Variants in B3GALT1 observed in about 807,000 individuals in gnomAD.
B3GALT1 encodes UDP-Gal:betaGlcNAc beta 1,3-galactosyltransferase, polypeptide 1.
In B3GALT1, 10 loss-of-function variants were observed where a neutral mutation model predicts 23.2. That is an observed-to-expected ratio of 0.43 (90% CI 0.27 to 0.73). The LOEUF (loss-of-function observed/expected upper bound fraction) is 0.73. Among genes scored for constraint, B3GALT1 ranks in the 30% least tolerant of loss-of-function variants. The pLI is 0.21. For synonymous variants in B3GALT1, 156 were observed against 141.5 expected (o/e 1.10, Z -0.73); for missense variants, 299 against 405.4 (o/e 0.74, Z 2.25).
At chr2:167,735,992 A>T (rs1687485684) in intron 3 of B3GALT1, among the ~76,000 whole-genome samples, 1 of 152,196 alleles carries the variant, frequency 6.6e-6, no homozygotes, top group South Asian at 2.1e-4. Flanking sequence ...AAATTATCAC[A>T]TTTGCAGAAA....
At chr2:167,580,911 G>C (rs539190288) in intron 2 of B3GALT1, among the ~76,000 whole-genome samples, 2 of 152,276 alleles carry the variant, frequency 1.3e-5, no homozygotes, top group African/African-American at 4.8e-5. Context: ...ACACTGATAT[G>C]TGTTCACTAC....
At chr2:167,516,145 A>C (rs1217065004) in intron 2 of B3GALT1, among the ~76,000 whole-genome samples, 1 of 152,050 alleles carries the variant, frequency 6.6e-6, no homozygotes, top group Non-Finnish European at 1.5e-5. Context: ...ATCTCTAGCT[A>C]GAAGATTCTG....
At chr2:167,453,618 A>G (rs941376724) in intron 1 of B3GALT1, among the ~76,000 whole-genome samples, 1 of 152,242 alleles carries the variant, frequency 6.6e-6, no homozygotes, top group Admixed American at 6.5e-5. Flanking sequence ...AAGGGAAATT[A>G]TGTTTACAAA....
intron 1 of B3GALT1, among the ~76,000 whole-genome samples, chr2:167,398,589 G>A (rs1048603707): frequency 1.2e-4 from 18 of 152,126 alleles, no homozygotes; most frequent in African/African-American, 3.9e-4. Flanking sequence ...ATGTTAAAAT[G>A]TTATGAAAGA....
intron 2 of B3GALT1, among the ~76,000 whole-genome samples, chr2:167,549,288 G>A (rs568010880): frequency 1.1e-4 from 16 of 152,266 alleles, no homozygotes; most frequent in Admixed American, 3.3e-4. Flanking sequence ...GAATCAAAGA[G>A]GCTCATAACC....
chr2:167,764,012 T>C (rs1287827799), intron 3 of B3GALT1, among the ~76,000 whole-genome samples: 1 of 152,200 alleles, frequency 6.6e-6, no homozygotes, highest in African/African-American at 2.4e-5. Context: ...GTATGCAATA[T>C]ATAGGTCTCA....
intron 2 of B3GALT1, among the ~76,000 whole-genome samples, chr2:167,632,662 AT>A (rs1558931055): frequency 2.0e-5 from 3 of 151,802 alleles, no homozygotes; most frequent in East Asian, 3.9e-4. Context: ...TTTCTTGTGA[AT>A]TTTTTTAAGT....
intron 4 of B3GALT1, among the ~76,000 whole-genome samples, chr2:167,843,729 A>T (rs879155470): frequency 1.3e-5 from 2 of 152,200 alleles, no homozygotes; most frequent in African/African-American, 4.8e-5. Context: ...TGACCCATAA[A>T]TTGCAGGTTT....
rs377620271 is a variant in B3GALT1, at chr2:167,825,041, T to G, written c.-230+6248T>G. Among the ~76,000 whole-genome samples the G allele has an allele frequency of 3.0e-4, 45 of 151,576 alleles. 1 individual carries two copies. Among genetic ancestry groups the G allele is most frequent in the African/African-American group, 1.1e-3 (45 of 41,310 alleles). On this transcript the variant is annotated intron_variant, in intron 4 of 4. Coordinates refer to ENST00000392690, the MANE Select transcript of B3GALT1 (RefSeq NM_020981.4). The stretch of plus-strand genomic sequence containing the variant: ...GCAAAACTGCCTGTAATCCCAGCAC[T>G]TTGGAAGGCCGAGGTGGGCAGATCA...
Position 167,526,846 on chromosome 2 carries a change from C to T in B3GALT1, c.-410+36569C>T, listed in dbSNP as rs551551738. ...CAGCAAAGAAAGATAATATAAATTA[C>T]ATATATTTCTACTACCTACAAATAG... is the stretch of plus-strand genomic sequence containing the variant. On this transcript the variant is annotated intron_variant, in intron 2 of 4. Transcript: ENST00000392690. Among the ~76,000 whole-genome samples, 219 of 152,236 alleles carry T rather than the reference C, an allele frequency of 1.4e-3. 1 individual carries two copies. The highest frequency in any genetic ancestry group is 5.1e-3 in the African/African-American group (213 of 41,558).
chr2:167,311,576 T>G, intron 1 of B3GALT1, among the ~76,000 whole-genome samples: 1 of 152,122 alleles, frequency 6.6e-6, no homozygotes. Flanking sequence ...ATAATATAGC[T>G]CTATAAAAAT....
intron 1 of B3GALT1, among the ~76,000 whole-genome samples, chr2:167,323,379 A>G (rs1251892528): frequency 6.6e-6 from 1 of 152,084 alleles, no homozygotes. Context: ...TACATATAGG[A>G]CTATATTTAA....
intron 3 of B3GALT1, among the ~76,000 whole-genome samples, chr2:167,754,075 A>T (rs1687779263): frequency 6.6e-6 from 1 of 152,216 alleles, no homozygotes; most frequent in Non-Finnish European, 1.5e-5. Flanking sequence ...ATATTCCCTT[A>T]TTGATCTTCT....
At chr2:167,653,357 T>C (rs1306019806) in intron 3 of B3GALT1, among the ~76,000 whole-genome samples, 1 of 152,190 alleles carries the variant, frequency 6.6e-6, no homozygotes, top group East Asian at 1.9e-4. Flanking sequence ...CGGACTTATA[T>C]ATAGCAGTTT....
At chr2:167,820,641 A>G (rs976867712) in intron 4 of B3GALT1, among the ~76,000 whole-genome samples, 1 of 152,212 alleles carries the variant, frequency 6.6e-6, no homozygotes, top group African/African-American at 2.4e-5. Flanking sequence ...CTGTAACCTG[A>G]GCAAACAACA....
intron 3 of B3GALT1, among the ~76,000 whole-genome samples, chr2:167,788,795 A>G (rs1482128716): frequency 1.3e-5 from 2 of 152,188 alleles, no homozygotes; most frequent in Non-Finnish European, 2.9e-5. Context: ...AAGTGACCAG[A>G]AAATTTATGG....
intron 3 of B3GALT1, among the ~76,000 whole-genome samples, chr2:167,817,996 T>C (rs1689029244): frequency 6.6e-6 from 1 of 152,118 alleles, no homozygotes; most frequent in Admixed American, 6.5e-5. Flanking sequence ...AGCTGTGCCG[T>C]GAATGAACCA....
chr2:167,503,601 C>T (rs1217678909), intron 2 of B3GALT1, among the ~76,000 whole-genome samples: 4 of 152,204 alleles, frequency 2.6e-5, no homozygotes, highest in Non-Finnish European at 5.9e-5. Flanking sequence ...TTTGACCAAA[C>T]GTACTCTTCC....
At chr2:167,476,450 C>A (rs1699487705) in intron 1 of B3GALT1, among the ~76,000 whole-genome samples, 1 of 152,084 alleles carries the variant, frequency 6.6e-6, no homozygotes, top group African/African-American at 2.4e-5. Flanking sequence ...AATTCTGGGG[C>A]CTGCAGCAGA....
Sources: allele counts gnomAD v4.1 joint callset (sites outside exome capture counted in the v4.1 genomes callset), GRCh38; gene constraint gnomAD v4.1.1; transcripts MANE v1.5; gene names NCBI Gene and HGNC (gene_info 2026-07-23, HGNC 2026-07-21).